Variants in CELF2 observed in about 807,000 individuals in gnomAD.
CELF2 encodes the protein CUG triplet repeat RNA-binding protein 2.
In CELF2, 8 loss-of-function variants were observed where a neutral mutation model predicts 62.6. The observed-to-expected ratio is 0.13, with a 90% CI of 0.07 to 0.23. The LOEUF (loss-of-function observed/expected upper bound fraction) is 0.23. CELF2 is among the 10% of genes least tolerant of loss of function. The pLI is 1.00. For synonymous variants in CELF2, 258 were observed against 250.0 expected (o/e 1.03, Z -0.30); for missense variants, 333 against 671.0 (o/e 0.50, Z 5.56).
At chr10:10,922,617 T>G (rs1036172029) in intron 2 of CELF2, 1 of 152,234 alleles carries the variant, frequency 6.6e-6, no homozygotes, top group Non-Finnish European at 1.5e-5. Context: ...GTAGCTGGTT[T>G]ATTACTCAAG....
the CELF2 span, among the ~76,000 whole-genome samples, chr10:10,605,986 G>A: frequency 6.6e-6 from 1 of 152,178 alleles, no homozygotes; most frequent in Admixed American, 6.5e-5. Flanking sequence ...CATTTTCAGG[G>A]CGATAAGTCA....
At chr10:10,883,288 T>C (rs187582892) in intron 1 of CELF2, among the ~76,000 whole-genome samples, 1 of 152,364 alleles carries the variant, frequency 6.6e-6, no homozygotes, top group Admixed American at 6.5e-5. Flanking sequence ...TTGAGCTACA[T>C]TGTATTTACT....
chr10:10,527,044 T>G, the CELF2 span, among the ~76,000 whole-genome samples: 1 of 152,192 alleles, frequency 6.6e-6, no homozygotes, highest in African/African-American at 2.4e-5. Context: ...TTTTTTTGCA[T>G]AAACACATGA....
chr10:10,612,942 G>A, the CELF2 span, among the ~76,000 whole-genome samples: 31 of 152,248 alleles, frequency 2.0e-4, no homozygotes, highest in African/African-American at 7.2e-4. Context: ...TTCAACCCAC[G>A]GTTAGATGAG....
At chr10:11,035,116 C>T (rs994724488) in intron 1 of CELF2, among the ~76,000 whole-genome samples, 3 of 152,102 alleles carry the variant, frequency 2.0e-5, no homozygotes, top group Admixed American at 2.0e-4. Flanking sequence ...TTCTTAAATA[C>T]GAATGTGTGA....
chr10:11,245,905 G>A (rs1316111199), intron 3 of CELF2, among the ~76,000 whole-genome samples: 3 of 152,170 alleles, frequency 2.0e-5, no homozygotes, highest in Non-Finnish European at 4.4e-5. Flanking sequence ...GTGGTTTAGG[G>A]GAGGCATCAC....
chr10:11,056,444 C>CT lies in CELF2; in HGVS notation c.74+38282dup, dbSNP rs1390531265. Reference sequence around the variant, plus strand: ...TTACACTTGCATGAGCTTTTCAACACTGATAGTTTCACTGTAAGATAAAGA... The same window carrying CT: ...TTACACTTGCATGAGCTTTTCAACACTTGATAGTTTCACTGTAAGATAAAGA... On this transcript the variant is annotated intron_variant, in intron 1 of 12. Coordinates refer to ENST00000633077, the MANE Select transcript of CELF2 (RefSeq NM_001326342.2). Among the ~76,000 whole-genome samples, 3 of 152,218 alleles carry CT rather than the reference C, an allele frequency of 2.0e-5. No homozygotes were observed. The East Asian group carries it at 5.8e-4, about 29-fold the overall frequency.
At chr10:10,777,370 A>C in the CELF2 span, among the ~76,000 whole-genome samples, 1 of 152,172 alleles carries the variant, frequency 6.6e-6, no homozygotes, top group Admixed American at 6.5e-5. Context: ...CATCTTGTCA[A>C]GGCAGCTTCT....
intron 2 of CELF2, among the ~76,000 whole-genome samples, chr10:10,985,331 TAA>T (rs58949496): frequency 6.5e-4 from 91 of 140,684 alleles, no homozygotes; most frequent in African/African-American, 2.1e-3. Flanking sequence ...CTATTAGAAG[TAA>T]AAAAAAAAAA....
At chr10:10,644,957 C>T in the CELF2 span, among the ~76,000 whole-genome samples, 3 of 152,136 alleles carry the variant, frequency 2.0e-5, no homozygotes, top group Non-Finnish European at 4.4e-5. Context: ...TACGTCAAGG[C>T]ACTGTGTGGA....
At chr10:10,749,432 G>A in the CELF2 span, among the ~76,000 whole-genome samples, 1 of 152,120 alleles carries the variant, frequency 6.6e-6, no homozygotes, top group Non-Finnish European at 1.5e-5. Flanking sequence ...GGATTAAATG[G>A]CACCTGAGTG....
At chr10:11,111,705 A>G (rs1430523787) in intron 1 of CELF2, among the ~76,000 whole-genome samples, 5 of 152,238 alleles carry the variant, frequency 3.3e-5, no homozygotes, top group Non-Finnish European at 7.3e-5. Flanking sequence ...AATCATGTGG[A>G]TGCATCTTCC....
At chr10:10,981,508 G>A (rs1157230940) in intron 2 of CELF2, among the ~76,000 whole-genome samples, 1 of 152,190 alleles carries the variant, frequency 6.6e-6, no homozygotes, top group Non-Finnish European at 1.5e-5. Flanking sequence ...TTAAGATACA[G>A]AGTTTTTATA....
At chr10:10,470,303 T>G in the CELF2 span, among the ~76,000 whole-genome samples, 1 of 151,832 alleles carries the variant, frequency 6.6e-6, no homozygotes, top group African/African-American at 2.4e-5. Flanking sequence ...TTTATTAGTT[T>G]TACACTTCTG....
intron 1 of CELF2, among the ~76,000 whole-genome samples, chr10:10,857,683 T>TATA (rs2059823307): frequency 5.1e-5 from 3 of 59,190 alleles, no homozygotes; most frequent in East Asian, 1.2e-3. Flanking sequence ...ATATATATAT[T>TATA]TTACCTCAAT....
At chr10:10,554,473 G>C in the CELF2 span, among the ~76,000 whole-genome samples, 2 of 152,144 alleles carry the variant, frequency 1.3e-5, no homozygotes, top group Non-Finnish European at 2.9e-5. Flanking sequence ...TGACCATTGG[G>C]AGGCACTGTC....
chr10:10,614,516 A>G, the CELF2 span, among the ~76,000 whole-genome samples: 4 of 152,160 alleles, frequency 2.6e-5, no homozygotes, highest in Non-Finnish European at 5.9e-5. Flanking sequence ...TAAAGTTGTA[A>G]AATTCCACTG....
At chr10:11,121,912 T>C (rs2057831371) in intron 1 of CELF2, among the ~76,000 whole-genome samples, 1 of 152,168 alleles carries the variant, frequency 6.6e-6, no homozygotes, top group South Asian at 2.1e-4. Flanking sequence ...GGAAATGTAC[T>C]CCTCAAGAAA....
chr10:10,661,765 G>A, the CELF2 span, among the ~76,000 whole-genome samples: 3 of 152,172 alleles, frequency 2.0e-5, no homozygotes, highest in Non-Finnish European at 4.4e-5. Context: ...AGTGAATTGA[G>A]GGAGTGCCCC....
Sources: allele counts gnomAD v4.1 joint callset (sites outside exome capture counted in the v4.1 genomes callset), GRCh38; gene constraint gnomAD v4.1.1; transcripts MANE v1.5; gene names NCBI Gene and HGNC (gene_info 2026-07-23, HGNC 2026-07-21).